Variants in PTPN13 observed in about 807,000 individuals in gnomAD.
The protein encoded by PTPN13 is protein tyrosine phosphatase non-receptor type 13.
Under a neutral mutation model 284.0 loss-of-function variants are expected in PTPN13, and 191 were observed. That is an observed-to-expected ratio of 0.67 (90% CI 0.60 to 0.76). The LOEUF (loss-of-function observed/expected upper bound fraction) is 0.76. PTPN13 is among the 30% of genes least tolerant of loss of function. The pLI is 0.00. For missense variants in PTPN13, 2,797 were observed against 2,939.9 expected (o/e 0.95, Z 1.12); for synonymous variants, 986 against 1,022.3 (o/e 0.96, Z 0.68).
At chr4:86,694,999 TA>T (rs1730454961) in intron 6 of PTPN13, among the ~76,000 whole-genome samples, 1 of 152,182 alleles carries the variant, frequency 6.6e-6, no homozygotes, top group Non-Finnish European at 1.5e-5. Flanking sequence ...AGACCTTGAC[TA>T]TCTGGACCAA....
At chr4:86,664,663 G>A (rs911992827) in intron 2 of PTPN13, among the ~76,000 whole-genome samples, 2 of 152,116 alleles carry the variant, frequency 1.3e-5, no homozygotes, top group Non-Finnish European at 1.5e-5. Flanking sequence ...CAGTATTTTG[G>A]CATGTAATTT....
chr4:86,633,874 C>G (rs1271700725), intron 1 of PTPN13, among the ~76,000 whole-genome samples: 7 of 152,168 alleles, frequency 4.6e-5, no homozygotes, highest in African/African-American at 1.7e-4. Context: ...GGCAGGGGAT[C>G]TAAATAAATA....
At chr4:86,759,657 C>T (rs777836322) in intron 23 of PTPN13, among the ~76,000 whole-genome samples, 7 of 152,160 alleles carry the variant, frequency 4.6e-5, no homozygotes, top group Non-Finnish European at 7.3e-5. Flanking sequence ...GGGAGGGTTG[C>T]AGAATCCAGG....
intron 1 of PTPN13, among the ~76,000 whole-genome samples, chr4:86,632,836 T>A (rs897994302): frequency 3.3e-5 from 5 of 152,234 alleles, no homozygotes; most frequent in Admixed American, 3.3e-4. Flanking sequence ...TTAGAAACGG[T>A]CTCACTCTGT....
intron 31 of PTPN13, 105 bp from the exon 32 acceptor site, chr4:86,772,673 A>G: frequency 1.1e-6 from 1 of 939,756 alleles, no homozygotes. Context: ...ATCTCAATCA[A>G]AATCAGACAT....
intron 10 of PTPN13, among the ~76,000 whole-genome samples, chr4:86,727,255 G>C (rs1734383321): frequency 6.7e-6 from 1 of 149,612 alleles, no homozygotes; most frequent in Admixed American, 6.7e-5. Context: ...GTTCATCAGG[G>C]ATATTGGTCT....
intron 32 of PTPN13, among the ~76,000 whole-genome samples, chr4:86,773,182 C>T (rs1740197612): frequency 6.6e-6 from 1 of 152,146 alleles, no homozygotes; most frequent in Non-Finnish European, 1.5e-5. Context: ...TACAATTTGG[C>T]AGACTCCTAT....
chr4:86,668,765 T>G (rs1727384090), intron 2 of PTPN13, among the ~76,000 whole-genome samples: 1 of 142,376 alleles, frequency 7.0e-6, no homozygotes, highest in Non-Finnish European at 1.6e-5. Context: ...CCAGCTAATT[T>G]TTTTTTTTTT....
chr4:86,705,430 A>G (rs1731653664), intron 7 of PTPN13, among the ~76,000 whole-genome samples: 1 of 152,078 alleles, frequency 6.6e-6, no homozygotes, highest in African/African-American at 2.4e-5. Context: ...AAATCATGTA[A>G]ATCCCATTTT....
chr4:86,714,530 C>T (rs1732791380), intron 7 of PTPN13, among the ~76,000 whole-genome samples: 1 of 152,060 alleles, frequency 6.6e-6, no homozygotes, highest in South Asian at 2.1e-4. Flanking sequence ...CACAGACATT[C>T]TTCTGTGGGG....
intron 1 of PTPN13, among the ~76,000 whole-genome samples, chr4:86,634,084 T>C (rs1722755256): frequency 1.3e-5 from 2 of 152,214 alleles, no homozygotes; most frequent in Non-Finnish European, 2.9e-5. Context: ...AATTGCTTTT[T>C]TCAGTCAGGA....
chr4:86,734,441 A>G lies in PTPN13; in HGVS notation c.1997A>G (p.Asp666Gly). 1 of 1,557,330 alleles carries G rather than the reference A, an allele frequency of 6.4e-7. No homozygotes were observed. Among genetic ancestry groups the G allele is most frequent in the South Asian group, 1.2e-5 (1 of 83,576 alleles). ...TTCAGAATTAAATTTTTTATGGATG[A>G]TGTTAGTCTAATACAGTGAGTACAC... ...LFFRIKFFMD[D>G]VSLIQHTLTC... Residue 666 changes from aspartate (D) to glycine (G), a missense_variant, in exon 13 of 48, where the codon GAT becomes GGT. Asp to Gly is a moderately conservative substitution (Grantham distance 94). Transcript: ENST00000411767.
intron 40 of PTPN13, among the ~76,000 whole-genome samples, 180 bp from the exon 41 acceptor site, chr4:86,796,694 T>A (rs1743378949): frequency 6.6e-6 from 1 of 152,162 alleles, no homozygotes; most frequent in Admixed American, 6.5e-5. Flanking sequence ...CAGCAAAGAC[T>A]GTTGGGCCAC....
intron 12 of PTPN13, among the ~76,000 whole-genome samples, chr4:86,733,605 C>T (rs1235277628): frequency 2.6e-5 from 4 of 152,012 alleles, no homozygotes; most frequent in Admixed American, 2.6e-4. Context: ...AATAAATAGT[C>T]AATTAGTACC....
At chr4:86,731,165 T>C (rs998511944) in intron 10 of PTPN13, among the ~76,000 whole-genome samples, 1 of 152,164 alleles carries the variant, frequency 6.6e-6, no homozygotes, top group East Asian at 1.9e-4. Flanking sequence ...TAACATTCAT[T>C]AGTTCAAGCA....
In PTPN13 at chr4:86,807,817, A is replaced by G. The variant is rs1744814432; in HGVS notation, c.7003A>G (p.Asn2335Asp). The G allele has an allele frequency of 6.2e-7, 1 of 1,614,052 alleles. No homozygotes were observed. Among genetic ancestry groups the G allele is most frequent in the East Asian group, 2.2e-5 (1 of 44,892 alleles). The change falls in exon 45 of 48, where the codon AAC becomes GAC. Residue 2335 changes from asparagine to aspartate, a missense_variant. Asn to Asp is a conservative substitution (Grantham distance 23, BLOSUM62 1). Coordinates refer to ENST00000411767, the MANE Select transcript of PTPN13 (RefSeq NM_080683.3). ...NILGKTTMVSNRLRLALVRMQ... is the reference protein window; with the variant it reads ...NILGKTTMVSDRLRLALVRMQ... ...CCTAGGCAAAACAACAATGGTCAGCAACAGACTTCGACTGGCTCTTGTGAG... is the reference window on the plus strand; with the variant it reads ...CCTAGGCAAAACAACAATGGTCAGCGACAGACTTCGACTGGCTCTTGTGAG...
In PTPN13 at chr4:86,758,724, C is replaced by T; in HGVS notation, c.3360C>T (p.Gly1120=). ...GGEKMGRLDL[G]IFISSVAPGG... ...AGAAGATGGGAAGACTGGACCTAGG[C>T]ATATTTATCAGTTCAGTTGCCCCTG... The change falls in exon 22 of 48, where the codon GGC becomes GGT. Residue 1120 remains glycine, a synonymous_variant. Coordinates refer to ENST00000411767, the MANE Select transcript of PTPN13 (RefSeq NM_080683.3). 1 of 1,613,770 alleles carries T rather than the reference C, an allele frequency of 6.2e-7. No individual in the cohort carries two copies. Among genetic ancestry groups the T allele is most frequent in the South Asian group, 1.1e-5 (1 of 91,068 alleles).
intron 7 of PTPN13, among the ~76,000 whole-genome samples, chr4:86,711,881 A>G (rs1260543074): frequency 6.6e-6 from 1 of 152,268 alleles, no homozygotes; most frequent in African/African-American, 2.4e-5. Flanking sequence ...TTTAATGTGT[A>G]TTGGTTATCC....
At chr4:86,651,901 A>G (rs1288224024) in intron 2 of PTPN13, among the ~76,000 whole-genome samples, 3 of 151,770 alleles carry the variant, frequency 2.0e-5, no homozygotes, top group Non-Finnish European at 2.9e-5. Context: ...AAGTTTTTCA[A>G]TTTTGTTTAT....
Sources: allele counts gnomAD v4.1 joint callset (sites outside exome capture counted in the v4.1 genomes callset), GRCh38; gene constraint gnomAD v4.1.1; transcripts MANE v1.5; gene names NCBI Gene and HGNC (gene_info 2026-07-23, HGNC 2026-07-21).